The following BRCA2 variants were observed in gnomAD, a reference collection of about 807,000 sequenced individuals.
BRCA2 encodes the protein BRCA2 DNA repair associated.
In BRCA2, 203 loss-of-function variants were observed where a neutral mutation model predicts 276.7. The ratio of observed to expected loss-of-function variants is 0.73; its 90% confidence interval spans 0.65 to 0.82. BRCA2 has a LOEUF of 0.82. BRCA2 is among the 40% of genes least tolerant of loss of function. BRCA2 has a pLI of 0.00. For missense variants in BRCA2, 3,920 were observed against 3,915.0 expected, an observed-to-expected ratio of 1.00 and a Z score of -0.03; for synonymous variants, 1,289 against 1,338.4, an observed-to-expected ratio of 0.96 and a Z score of 0.81.
chr13:32,355,132 A>C lies in BRCA2; in HGVS notation c.7279A>C (p.Asn2427His), dbSNP rs2072681789. ...HRVEQCVRNI[N>H]LEENRQKQNI... is the part of the protein sequence containing the mutation. ...AGTTGAACAGTGTGTTAGGAATATT[A>C]ACTTGGAGGAAAACAGACAAAAGCA... Residue 2427 changes from asparagine to histidine, a missense_variant, in exon 14 of 27, where the codon AAC (asparagine) becomes CAC (histidine). Physicochemically the swap from Asn to His is moderately conservative, Grantham distance 68 (BLOSUM62 1). Coordinates refer to ENST00000380152, the MANE Select transcript of BRCA2 (RefSeq NM_000059.4). 6.2e-7 allele frequency: 1 copy of C among 1,613,812 alleles called. No homozygotes were observed. The highest frequency in any genetic ancestry group is 8.5e-7 in the Non-Finnish European group (1 of 1,179,732).
chr13:32,381,005 G>C (rs2072921245), intron 24 of BRCA2, among the ~76,000 whole-genome samples: 1 of 151,992 alleles, frequency 6.6e-6, no homozygotes, highest in Non-Finnish European at 1.5e-5. Context: ...AAATGTGTTT[G>C]TGTTTGGTGA....
At position 32,344,572 on chromosome 13, in the gene BRCA2, A is replaced by C. The variant is rs398122567; in HGVS notation, c.6856A>C (p.Lys2286Gln). 6.4e-7 allele frequency: 1 copy of C among 1,552,026 alleles called. No individual in the cohort carries two copies. Among genetic ancestry groups the C allele is most frequent in the African/African-American group, 1.4e-5 (1 of 73,210 alleles). Residue 2286 changes from lysine (K) to glutamine (Q), a missense_variant, in exon 12 of 27, where the codon AAA becomes CAA. Transcript: ENST00000380152. ...PLILVGEPSI[K>Q]RNLLNEFDRI... ...TTTCTTTTTAGGAGAACCCTCAATC[A>C]AAAGAAACTTATTAAATGAATTTGA...
intron 6 of BRCA2, 38 bp from the exon 7 acceptor site, chr13:32,326,461 C>T (rs200930221): frequency 2.0e-6 from 3 of 1,503,060 alleles, no homozygotes; most frequent in Non-Finnish European, 2.8e-6. Flanking sequence ...ATGATCAGGG[C>T]ATTTCTATAA....
chr13:32,388,121 C>CTT lies in BRCA2; in HGVS notation c.9257-6554_9257-6553dup, dbSNP rs34184533. Among the ~76,000 whole-genome samples, 196 of 141,452 alleles carry CTT rather than the reference C, an allele frequency of 1.4e-3. No homozygotes were observed. In the Middle Eastern group the frequency reaches 0.014, roughly 10 times the overall value. 92.8% of individuals were successfully genotyped at this position (141,452 alleles called of 152,430 possible). A position where few individuals can be genotyped will look rare whatever the true frequency, so the allele number is the denominator to read the frequency against. On this transcript the variant is annotated intron_variant, in intron 24 of 26. Coordinates refer to ENST00000380152, the MANE Select transcript of BRCA2 (RefSeq NM_000059.4). ...CTGGACCCTACACATATGACCTCATCTTTTTTTTTTTTTTTGAGTTAGGGT... is the reference window on the plus strand; with the variant it reads ...CTGGACCCTACACATATGACCTCATCTTTTTTTTTTTTTTTTTGAGTTAGGGT...
At position 32,356,465 on chromosome 13, in the gene BRCA2, G is replaced by A. The variant is rs2137562022; in HGVS notation, c.7473G>A (p.Gln2491=). The change falls in exon 15 of 27, where the codon CAG becomes CAA. Residue 2491 remains glutamine, a synonymous_variant. Transcript: ENST00000380152. ...ITSLQNARDI[Q]DMRIKKKQRQ... is the part of the protein sequence containing the mutation. Reference sequence around the variant, plus strand: ...GTCTTCAGAATGCCAGAGATATACAGGATATGCGAATTAAGAAGAAACAAA... The same window carrying A: ...GTCTTCAGAATGCCAGAGATATACAAGATATGCGAATTAAGAAGAAACAAA... The A allele has an allele frequency of 1.2e-6, 2 of 1,614,072 alleles. No individual in the cohort carries two copies. The highest frequency in any genetic ancestry group is 8.5e-7 in the Non-Finnish European group (1 of 1,179,922).
At chr13:32,316,015 T>G (rs1274471770) in intron 1 of BRCA2, among the ~76,000 whole-genome samples, 2 of 152,166 alleles carry the variant, frequency 1.3e-5, no homozygotes, top group African/African-American at 4.8e-5. Flanking sequence ...TTTGGGGAAG[T>G]GTTTTACAGC....
At chr13:32,395,179 G>A (rs1243534000) in intron 25 of BRCA2, among the ~76,000 whole-genome samples, 12 of 152,170 alleles carry the variant, frequency 7.9e-5, no homozygotes, top group Admixed American at 7.2e-4. Flanking sequence ...GTTCAGAAAT[G>A]CAGACTTTGT....
At position 32,370,453 on chromosome 13, in the gene BRCA2, T is replaced by A. The variant is rs761952204; in HGVS notation, c.8383T>A (p.Phe2795Ile). ...TCGCTGGTATACCAAACTTGGATTCTTTCCTGACCCTAGACCTTTTCCTCT... is the reference window on the plus strand; with the variant it reads ...TCGCTGGTATACCAAACTTGGATTCATTCCTGACCCTAGACCTTTTCCTCT... ...PARWYTKLGFFPDPRPFPLPL... is the reference protein window; with the variant it reads ...PARWYTKLGFIPDPRPFPLPL... Residue 2795 changes from phenylalanine (F) to isoleucine (I), a missense_variant, in exon 19 of 27, where the codon TTT (phenylalanine) becomes ATT (isoleucine). Coordinates refer to ENST00000380152, the MANE Select transcript of BRCA2 (RefSeq NM_000059.4). The A allele has an allele frequency of 6.2e-7, 1 of 1,614,082 alleles. No homozygotes were observed. Among genetic ancestry groups the A allele is most frequent in the South Asian group, 1.1e-5 (1 of 91,078 alleles).
intron 8 of BRCA2, among the ~76,000 whole-genome samples, chr13:32,330,229 A>G (rs755227689): frequency 1.3e-5 from 2 of 152,214 alleles, no homozygotes; most frequent in African/African-American, 2.4e-5. Context: ...CCACAAATGT[A>G]ATACCTTTTC....
Position 32,319,143 on chromosome 13 carries a change from A to C in BRCA2, c.134A>C (p.Glu45Ala). 1 of 1,613,952 alleles carries C rather than the reference A, an allele frequency of 6.2e-7. No homozygotes were observed. ...LSSEAPPYNS[E>A]PAEESEHKNN... ...TCAGAAGCTCCACCCTATAATTCTG[A>C]ACCTGCAGAAGAATCTGAACATAAA... The change falls in exon 3 of 27, where the codon GAA becomes GCA. Residue 45 changes from glutamate (E) to alanine (A), a missense_variant. Physicochemically the swap from Glu to Ala is moderately radical, Grantham distance 107 (BLOSUM62 -1). Transcript: ENST00000380152.
In BRCA2 at chr13:32,326,237, CCCA is replaced by C. The variant is rs1476276050; in HGVS notation, c.476-4_476-2del. 6.2e-7 allele frequency: 1 copy of C among 1,613,004 alleles called. No homozygotes were observed. The highest frequency in any genetic ancestry group is 1.3e-5 in the African/African-American group (1 of 74,858). ...TTAACAATTTTCCCCTTTTTTTACC[CCCA>C]GTGGTATGTGGGAGTTTGTTTCATA... On this transcript the variant is annotated splice_acceptor_variant and splice_polypyrimidine_tract_variant and intron_variant, in intron 5 of 26. Coordinates refer to ENST00000380152, the MANE Select transcript of BRCA2 (RefSeq NM_000059.4). LOFTEE classifies it high-confidence loss of function.
intron 13 of BRCA2, among the ~76,000 whole-genome samples, chr13:32,352,884 G>C (rs963858178): frequency 6.6e-6 from 1 of 152,210 alleles, no homozygotes; most frequent in Non-Finnish European, 1.5e-5. Flanking sequence ...TGGCCAGATA[G>C]TGATAAGTTG....
intron 21 of BRCA2, among the ~76,000 whole-genome samples, chr13:32,377,681 G>A (rs1052887179): frequency 1.3e-5 from 2 of 151,280 alleles, no homozygotes; most frequent in South Asian, 4.2e-4. Flanking sequence ...ATAAATGTTA[G>A]TTACTATTAT....
chr13:32,335,287 A>G (rs1278976211), intron 10 of BRCA2, among the ~76,000 whole-genome samples: 1 of 150,606 alleles, frequency 6.6e-6, no homozygotes, highest in Non-Finnish European at 1.5e-5. Flanking sequence ...GGAGGTTGCA[A>G]TGAGCTGAGA....
At chr13:32,322,844 C>A (rs1465207064) in intron 3 of BRCA2, among the ~76,000 whole-genome samples, 1 of 152,172 alleles carries the variant, frequency 6.6e-6, no homozygotes, top group Non-Finnish European at 1.5e-5. Flanking sequence ...TTGATTGCTT[C>A]CAAATTTTGG....
intron 16 of BRCA2, among the ~76,000 whole-genome samples, chr13:32,361,346 A>G (rs1352238551): frequency 2.6e-5 from 4 of 152,230 alleles, no homozygotes; most frequent in Non-Finnish European, 5.9e-5. Context: ...TATTAAAAAT[A>G]GCTCAATAGA....
chr13:32,359,921 C>T (rs1593922449), intron 16 of BRCA2, among the ~76,000 whole-genome samples: 1 of 152,204 alleles, frequency 6.6e-6, no homozygotes, highest in East Asian at 1.9e-4. Context: ...AAGTCCCTGC[C>T]CTGATGAGTC....
rs1060502418 is a variant in BRCA2 at position 32,338,952 on chromosome 13, A to G, written c.4597A>G (p.Lys1533Glu). The G allele has an allele frequency of 6.2e-7, 1 of 1,613,890 alleles. No homozygotes were observed. The highest frequency in any genetic ancestry group is 8.5e-7 in the Non-Finnish European group (1 of 1,179,890). Residue 1533 changes from lysine (K) to glutamate (E), a missense_variant, in exon 11 of 27, where the codon AAA (lysine) becomes GAA (glutamate). Coordinates refer to ENST00000380152, the MANE Select transcript of BRCA2 (RefSeq NM_000059.4). ...TCATACAGCTAGCGGGAAAAAAGTT[A>G]AAATTGCAAAGGAATCTTTGGACAA... ...GFHTASGKKV[K>E]IAKESLDKVK...
chr13:32,380,550 T>TC (rs1183269349), intron 24 of BRCA2, among the ~76,000 whole-genome samples: 1 of 147,226 alleles, frequency 6.8e-6, no homozygotes, highest in Non-Finnish European at 1.5e-5. Context: ...TTTTTTTTTT[T>TC]TTTTCCCCGA....
Sources: allele counts gnomAD v4.1 joint callset (sites outside exome capture counted in the v4.1 genomes callset), GRCh38; gene constraint gnomAD v4.1.1; transcripts MANE v1.5; gene names NCBI Gene and HGNC (gene_info 2026-07-23, HGNC 2026-07-21).